KY: variants seen among roughly 807,000 people sequenced by gnomAD.
KY encodes the protein kyphoscoliosis peptidase.
Under a neutral mutation model 76.1 loss-of-function variants are expected in KY, and 43 were observed. That is an observed-to-expected ratio of 0.57 (90% CI 0.44 to 0.73). The LOEUF (loss-of-function observed/expected upper bound fraction) is 0.73, where lower values mean the gene tolerates loss of function less well. Ranked by LOEUF, KY falls within the 30% of genes least tolerant of loss-of-function variation. The pLI is 0.00. For synonymous variants in KY, 277 were observed against 326.2 expected (o/e 0.85, Z 1.63); for missense variants, 722 against 828.9 (o/e 0.87, Z 1.58).
chr3:134,649,775 C>CCACAG (rs1473764708), intron 1 of KY, among the ~76,000 whole-genome samples: 1 of 152,228 alleles, frequency 6.6e-6, no homozygotes, highest in Non-Finnish European at 1.5e-5. Context: ...GCAAGGCCAT[C>CCACAG]CACAGCAGCA....
chr3:134,629,780 A>G, intron 3 of KY, 85 bp from the exon 4 acceptor site: 2 of 828,382 alleles, frequency 2.4e-6, no homozygotes, highest in Non-Finnish European at 4.0e-6. Flanking sequence ...GAATAAAAAA[A>G]CAATTAGTTT....
chr3:134,622,788 T>G (rs1962862314), intron 6 of KY, among the ~76,000 whole-genome samples: 1 of 152,194 alleles, frequency 6.6e-6, no homozygotes, highest in South Asian at 2.1e-4. Flanking sequence ...GTTTAATCTC[T>G]GTAGAGAAGC....
chr3:134,612,516 T>A (rs1001809484), intron 8 of KY, among the ~76,000 whole-genome samples: 1 of 151,902 alleles, frequency 6.6e-6, no homozygotes, highest in East Asian at 1.9e-4. Context: ...GTGTTTATAG[T>A]CTGAGAGGAA....
intron 3 of KY, among the ~76,000 whole-genome samples, chr3:134,630,342 A>G (rs1208192358): frequency 6.6e-6 from 1 of 152,272 alleles, no homozygotes; most frequent in Non-Finnish European, 1.5e-5. Flanking sequence ...TGGAGCAAGC[A>G]TAACTATTTT....
intron 3 of KY, among the ~76,000 whole-genome samples, chr3:134,631,986 C>A (rs1335643663): frequency 6.6e-6 from 1 of 151,936 alleles, no homozygotes; most frequent in Admixed American, 6.6e-5. Context: ...GAAAAGATAA[C>A]AGAAAGCTGG....
intron 5 of KY, among the ~76,000 whole-genome samples, chr3:134,625,418 C>T (rs1963301313): frequency 6.6e-6 from 1 of 152,236 alleles, no homozygotes; most frequent in Non-Finnish European, 1.5e-5. Context: ...ACGGGCTTAA[C>T]CTTAGTTAAC....
rs148379398 is a variant in KY at position 134,617,750 on chromosome 3, C to T, written c.710+1398G>A. ...TACAAAGGAAGGGGAAGGTTGTGGG[C>T]TGTCCTGGAGCGGGGCCTGGAAGGA... On this transcript the variant is annotated intron_variant, in intron 8 of 10. Transcript: ENST00000423778. Among the ~76,000 whole-genome samples, 20 of 152,268 alleles carry T rather than the reference C, an allele frequency of 1.3e-4. 1 individual carries two copies. The highest frequency in any genetic ancestry group is 4.8e-4 in the African/African-American group (20 of 41,544).
At chr3:134,627,675 C>A in intron 5 of KY, 81 bp downstream of exon 5, 2 of 1,287,808 alleles carry the variant, frequency 1.6e-6, no homozygotes, top group Non-Finnish European at 1.1e-6. Flanking sequence ...GCCCAGGAAG[C>A]AACTGTCAAT....
chr3:134,605,293 G>A (rs1468954169), intron 10 of KY, among the ~76,000 whole-genome samples: 1 of 152,130 alleles, frequency 6.6e-6, no homozygotes, highest in Non-Finnish European at 1.5e-5. Context: ...TTAGAGCCTG[G>A]TCTTAATTCT....
chr3:134,624,152 C>T (rs1457134437), intron 6 of KY, among the ~76,000 whole-genome samples: 2 of 152,254 alleles, frequency 1.3e-5, no homozygotes, highest in Non-Finnish European at 2.9e-5. Context: ...AGGAGTCAAT[C>T]CAGCTATCTG....
chr3:134,630,961 A>G (rs963179467), intron 3 of KY, among the ~76,000 whole-genome samples: 4 of 152,270 alleles, frequency 2.6e-5, no homozygotes, highest in African/African-American at 7.2e-5. Context: ...ATAGTTAAAA[A>G]TTCTCTGGAT....
Position 134,610,354 on chromosome 3 carries a change from G to A in KY, c.740C>T (p.Pro247Leu). The A allele has an allele frequency of 1.9e-6, 3 of 1,613,612 alleles. No individual in the cohort carries two copies. The highest frequency in any genetic ancestry group is 2.5e-6 in the Non-Finnish European group (3 of 1,179,786). Residue 247 changes from proline (P) to leucine (L), a missense_variant, in exon 9 of 11, where the codon CCT (proline) becomes CTT (leucine). By Grantham distance (98) the Pro-to-Leu change is moderately conservative (BLOSUM62 -3). Transcript: ENST00000423778. ...GTAGCCGAAACCCTTGGAGTAGCCA[G>A]GCACGGTCATACACTGCACTCCGGC... ...RLAGVQCMTV[P>L]GYSKGFGYQT...
At chr3:134,622,211 G>C (rs1962741357) in intron 6 of KY, among the ~76,000 whole-genome samples, 1 of 152,096 alleles carries the variant, frequency 6.6e-6, no homozygotes. Flanking sequence ...TCAGTCCAAG[G>C]TACGCAACCA....
At position 134,643,073 on chromosome 3, in the gene KY, G is replaced by A. The variant is rs915112153; in HGVS notation, c.262+243C>T. ...TAATAGTGATGATGATGACAGCAGCGTGCTCTGAGGCCCATGGGCTTTATT... is the reference window on the plus strand; with the variant it reads ...TAATAGTGATGATGATGACAGCAGCATGCTCTGAGGCCCATGGGCTTTATT... On this transcript the variant is annotated intron_variant, in intron 3 of 10. Coordinates refer to ENST00000423778, the MANE Select transcript of KY (RefSeq NM_178554.6). Among the ~76,000 whole-genome samples, 7 of 152,200 alleles carry A rather than the reference G, an allele frequency of 4.6e-5. No individual in the cohort carries two copies. The South Asian group carries it at 8.3e-4, about 18-fold the overall frequency.
Position 134,603,652 on chromosome 3 carries a change from T to C in KY, c.1913A>G (p.Tyr638Cys), listed in dbSNP as rs761947132. Reference protein sequence around the residue: ...SCSTAGCQEVYVMVLENANHN... With the variant: ...SCSTAGCQEVCVMVLENANHN... ...GTTGGCATTCTCCAGCACCATGACA[T>C]AGACTTCCTGGCAGCCAGCTGTGCT... The change falls in exon 11 of 11, where the codon TAT becomes TGT. Residue 638 changes from tyrosine (Y) to cysteine (C), a missense_variant. Tyr to Cys is a radical substitution (Grantham distance 194). Transcript: ENST00000423778. 1.2e-6 allele frequency: 2 copies of C among 1,613,350 alleles called. No individual in the cohort carries two copies. The highest frequency in any genetic ancestry group is 1.7e-5 in the Admixed American group (1 of 59,916).
intron 2 of KY, 45 bp downstream of exon 2, chr3:134,647,390 T>C: frequency 8.7e-6 from 12 of 1,371,944 alleles, no homozygotes; most frequent in Non-Finnish European, 1.1e-5. Flanking sequence ...CAGTTATTAT[T>C]CAATGTATTA....
At chr3:134,623,671 C>A (rs1381987742) in intron 6 of KY, among the ~76,000 whole-genome samples, 1 of 152,090 alleles carries the variant, frequency 6.6e-6, no homozygotes, top group African/African-American at 2.4e-5. Context: ...GCTTGCTCTT[C>A]CACCCACCTG....
At position 134,608,587 on chromosome 3, in the gene KY, G is replaced by A. The variant is rs1450550439; in HGVS notation, c.1090+62C>T. On this transcript the variant is annotated intron_variant, in intron 10 of 10. Coordinates refer to ENST00000423778, the MANE Select transcript of KY (RefSeq NM_178554.6). The stretch of plus-strand genomic sequence containing the variant: ...AAAGCGCAGTCTCAGGCGGGCTCCT[G>A]GAGGACAGTGCGAAATGCTCCATTC... 6.2e-6 allele frequency: 10 copies of A among 1,613,210 alleles called. No individual in the cohort carries two copies. The Admixed American group carries it at 1.7e-4, about 27-fold the overall frequency.
At chr3:134,618,467 C>T (rs776797738) in intron 8 of KY, among the ~76,000 whole-genome samples, 22 of 152,142 alleles carry the variant, frequency 1.4e-4, no homozygotes, top group Non-Finnish European at 3.1e-4. Context: ...TGACTGTTTT[C>T]TGGAGGAACC....
Sources: gnomAD v4.1 joint callset for allele counts (sites outside exome capture counted in the v4.1 genomes callset) on GRCh38, gnomAD v4.1.1 for gene constraint, MANE v1.5 for transcripts, NCBI Gene and HGNC (gene_info 2026-07-23, HGNC 2026-07-21) for gene names.